Variants in USP48 observed in about 807,000 individuals in gnomAD.
USP48 encodes the protein ubiquitin specific peptidase 48.
Under a neutral mutation model 150.7 loss-of-function variants are expected in USP48, and 43 were observed. The ratio of observed to expected loss-of-function variants is 0.29; its 90% confidence interval spans 0.22 to 0.37. The LOEUF is 0.37. USP48 is among the 10% of genes least tolerant of loss of function. The pLI, the probability that USP48 is intolerant of heterozygous loss-of-function variation, is 1.00. For missense variants in USP48, 813 were observed against 1,249.6 expected (o/e 0.65, Z 5.27); for synonymous variants, 396 against 425.9 (o/e 0.93, Z 0.86).
In USP48 at chr1:21,689,954, C is replaced by A; in HGVS notation, c.3009+20G>T. On this transcript the variant is annotated intron_variant, in intron 24 of 26. Transcript: ENST00000308271. ...ACATGTAAAACCTTGAGTTCTTCAG[C>A]TAAGGAGCTGTTTACTTACCTTCAA... 6.2e-7 allele frequency: 1 copy of A among 1,612,480 alleles called. No individual in the cohort carries two copies. The highest frequency in any genetic ancestry group is 8.5e-7 in the Non-Finnish European group (1 of 1,179,238).
At chr1:21,699,807 C>T (rs1557442540) in intron 22 of USP48, among the ~76,000 whole-genome samples, 1 of 128,336 alleles carries the variant, frequency 7.8e-6, no homozygotes, top group Non-Finnish European at 1.7e-5. Context: ...TGAGCCACTG[C>T]GCCTGGCCAC....
At chr1:21,748,534 G>T (rs2097801107) in intron 6 of USP48, among the ~76,000 whole-genome samples, 1 of 152,180 alleles carries the variant, frequency 6.6e-6, no homozygotes, top group East Asian at 1.9e-4. Flanking sequence ...TAGGTTCTTT[G>T]TCCTGGTAAT....
intron 1 of USP48, among the ~76,000 whole-genome samples, chr1:21,774,105 A>C (rs1466586023): frequency 6.6e-6 from 1 of 151,416 alleles, no homozygotes; most frequent in Non-Finnish European, 1.5e-5. Context: ...CTTGAACCCA[A>C]AAGGTGGAGG....
At chr1:21,701,939 A>G (rs1216848632) in intron 21 of USP48, among the ~76,000 whole-genome samples, 2 of 152,202 alleles carry the variant, frequency 1.3e-5, no homozygotes, top group African/African-American at 4.8e-5. Context: ...GAGCACACTG[A>G]TTGCCAAGCC....
intron 12 of USP48, among the ~76,000 whole-genome samples, chr1:21,722,531 T>C (rs1413756526): frequency 1.4e-5 from 2 of 143,460 alleles, no homozygotes; most frequent in South Asian, 2.2e-4. Flanking sequence ...AGAATAAGAC[T>C]CTGTCTCAGA....
At chr1:21,763,729 C>G (rs561267257) in intron 1 of USP48, among the ~76,000 whole-genome samples, 1 of 152,080 alleles carries the variant, frequency 6.6e-6, no homozygotes, top group Non-Finnish European at 1.5e-5. Flanking sequence ...GCAGGAGAAT[C>G]ACTTGAACCC....
chr1:21,737,726 T>G (rs1447881241), intron 8 of USP48, among the ~76,000 whole-genome samples: 1 of 152,170 alleles, frequency 6.6e-6, no homozygotes, highest in Non-Finnish European at 1.5e-5. Context: ...AAATAATATC[T>G]TTTCACATCA....
intron 19 of USP48, among the ~76,000 whole-genome samples, chr1:21,705,038 AGAG>A (rs1472184942): frequency 3.9e-5 from 6 of 152,056 alleles, no homozygotes; most frequent in African/African-American, 1.2e-4. Context: ...AGGGAGAGAA[AGAG>A]GAGGGAGAAA....
intron 11 of USP48, chr1:21,727,928 TC>T (rs1206760360): frequency 9.1e-6 from 9 of 984,456 alleles, no homozygotes; most frequent in Non-Finnish European, 9.6e-6. Context: ...CTTGGGGAAT[TC>T]ATGTCTTTAA....
At chr1:21,756,494 A>T in intron 3 of USP48, 52 bp downstream of exon 3, 12 of 1,448,646 alleles carry the variant, frequency 8.3e-6, no homozygotes, top group South Asian at 1.3e-5. Flanking sequence ...AAAAAAAAAA[A>T]GTTTAAAAAA....
chr1:21,683,808 T>C lies in USP48; in HGVS notation c.3059-2974A>G, dbSNP rs2097573370. 3.9e-5 allele frequency among the ~76,000 whole-genome samples: 6 copies of C among 152,210 alleles called. No homozygotes were observed. The South Asian group carries it at 1.2e-3, about 32-fold the overall frequency. The stretch of plus-strand genomic sequence containing the variant: ...CTCCCTTCATATGGCCCCTTTCCCA[T>C]CCACTCATAACTACCATTCTACAGC... On this transcript the variant is annotated intron_variant, in intron 25 of 26. Coordinates refer to ENST00000308271, the MANE Select transcript of USP48 (RefSeq NM_032236.8).
At chr1:21,737,059 G>A (rs898801830) in intron 8 of USP48, among the ~76,000 whole-genome samples, 1 of 152,204 alleles carries the variant, frequency 6.6e-6, no homozygotes, top group Non-Finnish European at 1.5e-5. Flanking sequence ...GTTTATAGAA[G>A]AGAAGATAAA....
chr1:21,692,454 G>A (rs1484675747), intron 23 of USP48, among the ~76,000 whole-genome samples: 1 of 152,156 alleles, frequency 6.6e-6, no homozygotes, highest in Non-Finnish European at 1.5e-5. Context: ...AAAAATGCTT[G>A]TTCATGCCCC....
intron 15 of USP48, among the ~76,000 whole-genome samples, chr1:21,714,879 C>T (rs937769548): frequency 6.6e-6 from 1 of 152,164 alleles, no homozygotes; most frequent in Non-Finnish European, 1.5e-5. Context: ...CCCAGTGGCT[C>T]GTGCCTATAA....
chr1:21,751,095 C>G (rs1398053841), intron 6 of USP48, among the ~76,000 whole-genome samples: 1 of 152,126 alleles, frequency 6.6e-6, no homozygotes, highest in Non-Finnish European at 1.5e-5. Flanking sequence ...AAAGGAATCA[C>G]TGAATTATCT....
In USP48 at chr1:21,774,155, G is replaced by A. The variant is rs1435676170; in HGVS notation, c.134+8669C>T. 2.7e-5 allele frequency among the ~76,000 whole-genome samples: 4 copies of A among 150,304 alleles called. No individual in the cohort carries two copies. In the East Asian group the frequency reaches 5.9e-4, roughly 22 times the overall value. On this transcript the variant is annotated intron_variant, in intron 1 of 26. Coordinates refer to ENST00000308271, the MANE Select transcript of USP48 (RefSeq NM_032236.8). The stretch of plus-strand genomic sequence containing the variant: ...GATAACGCCACTGCACTCCAGCCTG[G>A]GTGACAGAGCGAGACTCCGTCTCAA...
At chr1:21,775,031 A>G (rs1402777768) in intron 1 of USP48, among the ~76,000 whole-genome samples, 1 of 132,538 alleles carries the variant, frequency 7.5e-6, no homozygotes, top group East Asian at 2.3e-4. Flanking sequence ...ATAAATAAAT[A>G]AATAAGGCAG....
chr1:21,776,375 G>C (rs2097898328), intron 1 of USP48, among the ~76,000 whole-genome samples: 2 of 151,978 alleles, frequency 1.3e-5, no homozygotes, highest in Admixed American at 1.3e-4. Context: ...GTTGCATAAA[G>C]TATGAAAAAT....
intron 3 of USP48, among the ~76,000 whole-genome samples, chr1:21,756,030 T>C (rs185408644): frequency 6.6e-6 from 1 of 151,828 alleles, no homozygotes. Context: ...CCGGGCGTGG[T>C]GGTGCACGCC....
Sources: gnomAD v4.1 joint callset for allele counts (sites outside exome capture counted in the v4.1 genomes callset) on GRCh38, gnomAD v4.1.1 for gene constraint, MANE v1.5 for transcripts, NCBI Gene and HGNC (gene_info 2026-07-23, HGNC 2026-07-21) for gene names.